ADK: variants seen among roughly 807,000 people sequenced by gnomAD.
ADK encodes the protein N6,N6-dimethyladenosine kinase.
Under a neutral mutation model 44.7 loss-of-function variants are expected in ADK, and 24 were observed. That is an observed-to-expected ratio of 0.54 (90% CI 0.39 to 0.76). The LOEUF is 0.76. Among genes scored for constraint, ADK ranks in the 30% least tolerant of loss-of-function variants. ADK has a pLI of 0.00. For synonymous variants in ADK, 128 were observed against 142.6 expected (o/e 0.90, Z 0.73); for missense variants, 321 against 425.1 (o/e 0.76, Z 2.15).
Position 74,503,878 on chromosome 10 carries a change from G to A in ADK, c.556-21378G>A, listed in dbSNP as rs187914594. ...CCATATTTTATCTCCAGGGCACCCA[G>A]CTGCCATCATCTTGTCAGGGTCCAT... On this transcript the variant is annotated intron_variant, in intron 6 of 10. Coordinates refer to ENST00000539909, the MANE Select transcript of ADK (RefSeq NM_006721.4). Among the ~76,000 whole-genome samples the A allele has an allele frequency of 2.1e-3, 327 of 152,266 alleles. 1 individual carries two copies. The highest frequency in any genetic ancestry group is 7.3e-3 in the African/African-American group (302 of 41,552).
At chr10:74,253,233 G>T (rs1845711268) in intron 3 of ADK, among the ~76,000 whole-genome samples, 1 of 152,204 alleles carries the variant, frequency 6.6e-6, no homozygotes, top group Admixed American at 6.5e-5. Flanking sequence ...TGCAGAGCAG[G>T]GCTACCCCGT....
chr10:74,662,979 A>T (rs1234531454), intron 9 of ADK, among the ~76,000 whole-genome samples: 1 of 152,090 alleles, frequency 6.6e-6, no homozygotes, highest in Admixed American at 6.6e-5. Flanking sequence ...CTGTAATCCC[A>T]GCACTTTGGG....
At chr10:74,195,081 T>TCC (rs201672927) in intron 1 of ADK, among the ~76,000 whole-genome samples, 4 of 92,152 alleles carry the variant, frequency 4.3e-5, no homozygotes, top group Admixed American at 1.2e-4. Flanking sequence ...TACTGACCGC[T>TCC]CCCCCCCCCA....
At chr10:74,423,694 A>G (rs887364536) in intron 6 of ADK, 15 of 442,700 alleles carry the variant, frequency 3.4e-5, no homozygotes, top group African/African-American at 2.3e-4. Context: ...TACAGTGACA[A>G]TGTTGGGGCT....
At chr10:74,163,768 T>C (rs563527256) in intron 1 of ADK, among the ~76,000 whole-genome samples, 1 of 152,362 alleles carries the variant, frequency 6.6e-6, no homozygotes, top group Non-Finnish European at 1.5e-5. Flanking sequence ...AGGAAACAAA[T>C]TGAAATACAA....
chr10:74,402,976 A>G (rs1013141432), intron 6 of ADK, among the ~76,000 whole-genome samples: 2 of 152,074 alleles, frequency 1.3e-5, no homozygotes, highest in African/African-American at 4.8e-5. Flanking sequence ...AATAGTCAGG[A>G]TCCTCAGCTG....
chr10:74,349,941 T>C (rs776470490), intron 4 of ADK, among the ~76,000 whole-genome samples: 3 of 152,166 alleles, frequency 2.0e-5, no homozygotes, highest in Non-Finnish European at 4.4e-5. Context: ...CAAAGATACT[T>C]AGACTTCCAC....
intron 7 of ADK, among the ~76,000 whole-genome samples, chr10:74,576,611 G>C (rs976224697): frequency 1.3e-5 from 2 of 152,130 alleles, no homozygotes; most frequent in African/African-American, 4.8e-5. Context: ...CGTGAGAAAA[G>C]TTTCTGAGAT....
At chr10:74,522,958 T>G (rs1233634822) in intron 6 of ADK, among the ~76,000 whole-genome samples, 2 of 151,928 alleles carry the variant, frequency 1.3e-5, no homozygotes, top group Non-Finnish European at 2.9e-5. Flanking sequence ...CTTTCCTCCC[T>G]TCCCTGCCCA....
chr10:74,201,378 C>T (rs7910153), intron 2 of ADK, among the ~76,000 whole-genome samples: 2 of 152,042 alleles, frequency 1.3e-5, no homozygotes, highest in Non-Finnish European at 1.5e-5. Flanking sequence ...GAGGCCATTT[C>T]GTACAATAGT....
intron 2 of ADK, among the ~76,000 whole-genome samples, chr10:74,222,031 A>G (rs1844331597): frequency 6.6e-6 from 1 of 152,338 alleles, no homozygotes; most frequent in African/African-American, 2.4e-5. Flanking sequence ...TAAACTAAAG[A>G]GCTTCTGCAC....
intron 10 of ADK, among the ~76,000 whole-genome samples, chr10:74,674,022 A>G (rs528730065): frequency 8.1e-4 from 124 of 152,168 alleles, no homozygotes; most frequent in African/African-American, 2.8e-3. Flanking sequence ...TTTTATGGGC[A>G]CAGGATTGTG....
At position 74,193,405 on chromosome 10, in the gene ADK, G is replaced by A. The variant is rs369642345; in HGVS notation, c.66-7359G>A. Among the ~76,000 whole-genome samples the A allele has an allele frequency of 2.5e-3, 356 of 139,828 alleles. 1 individual carries two copies. The highest frequency in any genetic ancestry group is 8.1e-3 in the African/African-American group (312 of 38,744). 91.7% of individuals were successfully genotyped at this position (139,828 alleles called of 152,430 possible). On this transcript the variant is annotated intron_variant, in intron 1 of 10. Coordinates refer to ENST00000539909, the MANE Select transcript of ADK (RefSeq NM_006721.4). ...CCTAATGCTATCCCTCCCTCCTCCC[G>A]CCTCCCCCCACCCCAGTGTGATTAG...
intron 3 of ADK, among the ~76,000 whole-genome samples, chr10:74,269,850 T>C (rs1846359095): frequency 6.6e-6 from 1 of 152,020 alleles, no homozygotes; most frequent in Non-Finnish European, 1.5e-5. Context: ...TACAAAAAAT[T>C]AGCTGGGCGT....
At chr10:74,332,350 A>G (rs1004799691) in intron 4 of ADK, among the ~76,000 whole-genome samples, 2 of 152,210 alleles carry the variant, frequency 1.3e-5, no homozygotes, top group East Asian at 1.9e-4. Context: ...TCACATTTCT[A>G]TGTCTAGCCA....
intron 6 of ADK, chr10:74,423,371 G>T (rs1844641094): frequency 6.2e-6 from 1 of 161,962 alleles, no homozygotes; most frequent in African/African-American, 2.4e-5. Context: ...TAGTTAGAAT[G>T]GATTCCAGTC....
intron 3 of ADK, among the ~76,000 whole-genome samples, chr10:74,227,537 C>A (rs1844587521): frequency 1.3e-5 from 2 of 151,932 alleles, no homozygotes; most frequent in African/African-American, 4.8e-5. Flanking sequence ...TAGTGAGACC[C>A]CATCTCTACG....
chr10:74,574,243 C>T (rs1032939481), intron 7 of ADK, among the ~76,000 whole-genome samples: 3 of 151,484 alleles, frequency 2.0e-5, no homozygotes, highest in East Asian at 3.9e-4. Flanking sequence ...CTCAGCTCAC[C>T]GCAACCTCCA....
intron 9 of ADK, among the ~76,000 whole-genome samples, chr10:74,627,720 C>G (rs558521969): frequency 1.1e-4 from 17 of 152,176 alleles, no homozygotes; most frequent in African/African-American, 4.1e-4. Flanking sequence ...GCAACCTCCG[C>G]CCCCTGGGTT....
Sources: gnomAD v4.1 joint callset for allele counts (sites outside exome capture counted in the v4.1 genomes callset) on GRCh38, gnomAD v4.1.1 for gene constraint, MANE v1.5 for transcripts, NCBI Gene and HGNC (gene_info 2026-07-23, HGNC 2026-07-21) for gene names.